The following RUNDC3B variants were observed in gnomAD, a reference collection of about 807,000 sequenced individuals.
RUNDC3B encodes RUN domain-containing protein 3B.
RUNDC3B carries 33 observed loss-of-function variants against 58.4 expected under a neutral mutation model. That is an observed-to-expected ratio of 0.56 (90% CI 0.43 to 0.75). RUNDC3B has a LOEUF of 0.75. RUNDC3B is among the 30% of genes least tolerant of loss of function. RUNDC3B has a pLI of 0.00. For missense variants in RUNDC3B, 501 were observed against 535.7 expected, an observed-to-expected ratio of 0.94 and a Z score of 0.64; for synonymous variants, 193 against 195.2, an observed-to-expected ratio of 0.99 and a Z score of 0.10.
At chr7:87,704,679 A>G (rs1163761581) in intron 3 of RUNDC3B, among the ~76,000 whole-genome samples, 2 of 152,238 alleles carry the variant, frequency 1.3e-5, no homozygotes, top group African/African-American at 4.8e-5. Context: ...CATGTTCCAA[A>G]TCCTGCATTT....
At chr7:87,664,626 A>G (rs1749398012) in intron 2 of RUNDC3B, among the ~76,000 whole-genome samples, 1 of 152,118 alleles carries the variant, frequency 6.6e-6, no homozygotes, top group Non-Finnish European at 1.5e-5. Flanking sequence ...CATTAACCAG[A>G]TGAGCCTCTA....
chr7:87,664,748 T>C (rs1404915757), intron 2 of RUNDC3B, among the ~76,000 whole-genome samples: 4 of 152,126 alleles, frequency 2.6e-5, no homozygotes, highest in Non-Finnish European at 5.9e-5. Context: ...TAGCAAAATA[T>C]ATAAGTTTGT....
At chr7:87,726,996 A>G (rs1831274428) in intron 4 of RUNDC3B, among the ~76,000 whole-genome samples, 1 of 152,080 alleles carries the variant, frequency 6.6e-6, no homozygotes. Context: ...GGCTGAGATG[A>G]TGGGGTTTTC....
intron 6 of RUNDC3B, among the ~76,000 whole-genome samples, chr7:87,765,945 T>G (rs1833954459): frequency 6.6e-6 from 1 of 152,030 alleles, no homozygotes; most frequent in Admixed American, 6.6e-5. Context: ...TTATGTCTAG[T>G]AGTATTTGTT....
intron 2 of RUNDC3B, among the ~76,000 whole-genome samples, chr7:87,665,886 A>G (rs749088552): frequency 1.3e-5 from 2 of 152,060 alleles, no homozygotes; most frequent in Non-Finnish European, 2.9e-5. Flanking sequence ...TCTTTTTTAT[A>G]GCTGTATAGT....
intron 2 of RUNDC3B, among the ~76,000 whole-genome samples, chr7:87,693,024 T>C (rs1563138468): frequency 6.6e-6 from 1 of 152,182 alleles, no homozygotes; most frequent in Non-Finnish European, 1.5e-5. Context: ...CTTTTATTGG[T>C]TTTATAAAGG....
chr7:87,725,201 A>G (rs548717059), intron 4 of RUNDC3B, among the ~76,000 whole-genome samples: 45 of 152,226 alleles, frequency 3.0e-4, no homozygotes, highest in South Asian at 2.5e-3. Context: ...TTAACTTGTC[A>G]TTTACATTAG....
intron 10 of RUNDC3B, among the ~76,000 whole-genome samples, chr7:87,823,929 TA>T (rs1837651392): frequency 6.6e-6 from 1 of 151,950 alleles, no homozygotes; most frequent in Admixed American, 6.6e-5. Flanking sequence ...AAACTAATTT[TA>T]AAAAATCACA....
chr7:87,683,663 A>G (rs1353354078), intron 2 of RUNDC3B, among the ~76,000 whole-genome samples: 1 of 152,238 alleles, frequency 6.6e-6, no homozygotes, highest in African/African-American at 2.4e-5. Flanking sequence ...TTATTACAAT[A>G]GTAACATCAA....
intron 6 of RUNDC3B, among the ~76,000 whole-genome samples, chr7:87,745,487 C>A (rs1415911024): frequency 1.3e-5 from 2 of 151,868 alleles, no homozygotes; most frequent in African/African-American, 4.8e-5. Context: ...TTTCAATATT[C>A]CTGCTTGTTA....
chr7:87,730,186 C>G (rs1831495162), intron 4 of RUNDC3B, among the ~76,000 whole-genome samples: 1 of 152,210 alleles, frequency 6.6e-6, no homozygotes, highest in African/African-American at 2.4e-5. Context: ...GAGACTCCTT[C>G]TGGTTGAGAA....
chr7:87,632,864 C>T (rs756574709), intron 1 of RUNDC3B, among the ~76,000 whole-genome samples: 19 of 152,116 alleles, frequency 1.2e-4, no homozygotes, highest in Admixed American at 5.2e-4. Flanking sequence ...TTCAGAATAA[C>T]ACTTGTCAAA....
Position 87,813,360 on chromosome 7 carries a change from G to C in RUNDC3B, c.1104-2781G>C, listed in dbSNP as rs180712101. On this transcript the variant is annotated intron_variant, in intron 9 of 10. Coordinates refer to ENST00000394654, the MANE Select transcript of RUNDC3B (RefSeq NM_001134405.2). ...GCTTTTACAGAGTTTTTTCCCTGCA[G>C]TGGGTTGTAGTGTTGGAGATTATTG... Among the ~76,000 whole-genome samples, 3 of 152,288 alleles carry C rather than the reference G, an allele frequency of 2.0e-5. No homozygotes were observed. In the East Asian group the frequency reaches 5.8e-4, roughly 29 times the overall value.
At chr7:87,635,930 G>C (rs1378977362) in intron 1 of RUNDC3B, among the ~76,000 whole-genome samples, 1 of 152,124 alleles carries the variant, frequency 6.6e-6, no homozygotes, top group African/African-American at 2.4e-5. Flanking sequence ...GCTGTAGTTT[G>C]TTCATTTTCA....
At chr7:87,738,613 C>T (rs1182010035) in intron 4 of RUNDC3B, among the ~76,000 whole-genome samples, 3 of 151,860 alleles carry the variant, frequency 2.0e-5, no homozygotes, top group South Asian at 2.1e-4. Context: ...TTTTACGAAA[C>T]GTAGATTTAA....
At chr7:87,667,521 T>C (rs1825385310) in intron 2 of RUNDC3B, among the ~76,000 whole-genome samples, 1 of 152,134 alleles carries the variant, frequency 6.6e-6, no homozygotes, top group Admixed American at 6.6e-5. Flanking sequence ...GGACTTCCAT[T>C]ACTATTTTTA....
chr7:87,656,691 C>A (rs958081592), intron 2 of RUNDC3B, among the ~76,000 whole-genome samples: 2 of 151,922 alleles, frequency 1.3e-5, no homozygotes, highest in African/African-American at 2.4e-5. Context: ...TTAAAAAAAA[C>A]CTAATTATTT....
chr7:87,648,532 CA>C (rs11307709), intron 1 of RUNDC3B, among the ~76,000 whole-genome samples: 24,395 of 134,320 alleles, frequency 0.18, 3,331 homozygotes, highest in African/African-American at 0.4. Flanking sequence ...TGCCAAAAGA[CA>C]AAAAAAAAAA....
Position 87,641,501 on chromosome 7 carries a change from T to G in RUNDC3B, c.123-9321T>G, listed in dbSNP as rs4148728. Among the ~76,000 whole-genome samples, 93 of 152,276 alleles carry G rather than the reference T, an allele frequency of 6.1e-4. No individual in the cohort carries two copies. The East Asian group carries it at 0.017, about 28-fold the overall frequency. ...TTCAACTTGGATTTGGTATATTTTC[T>G]AGCACCCTTCCTCCAGCAAGCCAAA... On this transcript the variant is annotated intron_variant, in intron 1 of 10. Coordinates refer to ENST00000394654, the MANE Select transcript of RUNDC3B (RefSeq NM_001134405.2).
Sources: gnomAD v4.1 joint callset for allele counts (sites outside exome capture counted in the v4.1 genomes callset) on GRCh38, gnomAD v4.1.1 for gene constraint, MANE v1.5 for transcripts, NCBI Gene and HGNC (gene_info 2026-07-23, HGNC 2026-07-21) for gene names.